Variants in CCDC69 observed in about 807,000 individuals in gnomAD.
CCDC69 encodes coiled-coil domain containing 69, also known as coiled-coil domain-containing protein 69.
Under a neutral mutation model 40.3 loss-of-function variants are expected in CCDC69, and 38 were observed. The observed-to-expected ratio is 0.94, with a 90% CI of 0.73 to 1.24. CCDC69 has a LOEUF of 1.24. CCDC69 is among the 50% of genes most tolerant of loss of function. CCDC69 has a pLI of 0.00. For synonymous variants in CCDC69, 141 were observed against 138.9 expected (o/e 1.02, Z -0.11); for missense variants, 389 against 357.9 (o/e 1.09, Z -0.70).
intron 1 of CCDC69, among the ~76,000 whole-genome samples, chr5:151,218,258 G>C (rs1229672112): frequency 2.0e-5 from 3 of 152,226 alleles, no homozygotes; most frequent in African/African-American, 7.2e-5. Context: ...ATCTTCTCTT[G>C]CTCCTTTTCT....
chr5:151,183,465 G>T lies in CCDC69; in HGVS notation c.863C>A (p.Pro288His), dbSNP rs766280570. 1.4e-5 allele frequency: 22 copies of T among 1,605,216 alleles called. 1 individual carries two copies. In the South Asian group the frequency reaches 2.1e-4, roughly 16 times the overall value. Reference protein sequence around the residue: ...SPAFPLAPVTPTEVSFLAT With the variant: ...SPAFPLAPVTHTEVSFLAT The stretch of plus-strand genomic sequence containing the variant: ...TGTGGCGAGGAAAGAGACCTCAGTG[G>T]GAGTGACAGGGGCCAGAGGGAAGGC... The change falls in exon 9 of 9, where the codon CCC becomes CAC. Residue 288 changes from proline (P) to histidine (H), a missense_variant. Physicochemically the swap from Pro to His is moderately conservative, Grantham distance 77. Coordinates refer to ENST00000355417, the MANE Select transcript of CCDC69 (RefSeq NM_015621.3).
chr5:151,199,217 C>T (rs910488441), intron 3 of CCDC69, 133 bp from the exon 4 acceptor site: 22 of 737,600 alleles, frequency 3.0e-5, no homozygotes, highest in Middle Eastern at 2.3e-4. Context: ...GGGAATGACA[C>T]GCCCAGAAAG....
chr5:151,223,952 T>G lies in CCDC69; in HGVS notation c.19A>C (p.Arg7=), dbSNP rs1301473472. The G allele has an allele frequency of 6.3e-7, 1 of 1,575,388 alleles. No homozygotes were observed. The highest frequency in any genetic ancestry group is 1.1e-5 in the South Asian group (1 of 87,960). ...TTCGGGGGTTTGCAGCTGCTCAGCC[T>G]GCTGTGTCTGCAGCCCATCCTCCTC... is the stretch of plus-strand genomic sequence containing the variant. MGCRHS[R]LSSCKPPKKK... The change falls in exon 1 of 9, where the codon AGG becomes CGG. Residue 7 remains arginine (R), a synonymous_variant. Coordinates refer to ENST00000355417, the MANE Select transcript of CCDC69 (RefSeq NM_015621.3).
intron 4 of CCDC69, 116 bp downstream of exon 4, chr5:151,198,881 C>T (rs1752738652): frequency 2.5e-6 from 2 of 784,724 alleles, no homozygotes; most frequent in Admixed American, 1.8e-5. Flanking sequence ...GAGTCAATTG[C>T]TTGTGGATCA....
At position 151,207,437 on chromosome 5, in the gene CCDC69, G is replaced by A. The variant is rs1049181082; in HGVS notation, c.49-1962C>T. Among the ~76,000 whole-genome samples, 6 of 151,742 alleles carry A rather than the reference G, an allele frequency of 4.0e-5. No homozygotes were observed. In the East Asian group the frequency reaches 5.8e-4, roughly 15 times the overall value. On this transcript the variant is annotated intron_variant, in intron 1 of 8. Transcript: ENST00000355417. Reference sequence around the variant, plus strand: ...CTCTCGAGTAGCTGGGACTACAGGCGCCCGCCACCACGCCCGGCTAATTTT... The same window carrying A: ...CTCTCGAGTAGCTGGGACTACAGGCACCCGCCACCACGCCCGGCTAATTTT...
At chr5:151,221,562 G>C (rs753747021) in intron 1 of CCDC69, among the ~76,000 whole-genome samples, 21 of 152,360 alleles carry the variant, frequency 1.4e-4, no homozygotes, top group Admixed American at 9.1e-4. Flanking sequence ...ATGAGCACCA[G>C]ATGGGGAGTG....
intron 1 of CCDC69, among the ~76,000 whole-genome samples, chr5:151,205,796 C>T (rs1226355663): frequency 4.6e-5 from 7 of 152,282 alleles, no homozygotes; most frequent in Admixed American, 6.5e-5. Context: ...TTTCTTCTCC[C>T]GGGATCTGGC....
chr5:151,218,490 A>G (rs1753084764), intron 1 of CCDC69, among the ~76,000 whole-genome samples: 1 of 152,114 alleles, frequency 6.6e-6, no homozygotes, highest in Non-Finnish European at 1.5e-5. Context: ...TTTCGTTGGG[A>G]GGGTACTTAC....
At chr5:151,190,824 G>T (rs1237395067) in intron 4 of CCDC69, among the ~76,000 whole-genome samples, 1 of 150,558 alleles carries the variant, frequency 6.6e-6, no homozygotes, top group Non-Finnish European at 1.5e-5. Flanking sequence ...AAAAAAGCAG[G>T]AAAGGGAAAA....
intron 1 of CCDC69, chr5:151,212,026 G>C (rs1345413870): frequency 7.0e-6 from 1 of 142,366 alleles, no homozygotes; most frequent in Non-Finnish European, 1.5e-5. Flanking sequence ...GTGGGGGGGG[G>C]AGTTGGGAGG....
At chr5:151,202,647 G>C (rs1752791448) in intron 2 of CCDC69, among the ~76,000 whole-genome samples, 1 of 152,200 alleles carries the variant, frequency 6.6e-6, no homozygotes, top group African/African-American at 2.4e-5. Flanking sequence ...GAGCATCTGA[G>C]TTTGTGGCCC....
chr5:151,198,731 A>G (rs1490642690), intron 4 of CCDC69: 2 of 375,568 alleles, frequency 5.3e-6, no homozygotes, highest in Non-Finnish European at 9.6e-6. Flanking sequence ...ATTTCCCTTA[A>G]TAAATATGGA....
chr5:151,187,030 C>G (rs1158951538), intron 5 of CCDC69, among the ~76,000 whole-genome samples: 1 of 152,168 alleles, frequency 6.6e-6, no homozygotes, highest in African/African-American at 2.4e-5. Context: ...ATCTCACTCC[C>G]TCTAGGAAAT....
chr5:151,212,963 G>C (rs762626741), intron 1 of CCDC69: 160 of 447,488 alleles, frequency 3.6e-4, no homozygotes, highest in Admixed American at 1.2e-3. Flanking sequence ...TGCAAGAAGA[G>C]GTTGGAGAGT....
intron 1 of CCDC69, among the ~76,000 whole-genome samples, chr5:151,216,625 A>C (rs1230715580): frequency 1.3e-5 from 2 of 151,702 alleles, no homozygotes; most frequent in African/African-American, 2.4e-5. Context: ...CATGTTGGTC[A>C]GGCTGGTCTC....
chr5:151,215,572 G>A (rs1753024999), intron 1 of CCDC69: 2 of 369,622 alleles, frequency 5.4e-6, no homozygotes, highest in African/African-American at 2.1e-5. Flanking sequence ...CTGGAGAGCA[G>A]GAAAGGAGGG....
At chr5:151,183,770 C>T (rs1196688211) in intron 8 of CCDC69, among the ~76,000 whole-genome samples, 156 bp from the exon 9 acceptor site, 1 of 152,210 alleles carries the variant, frequency 6.6e-6, no homozygotes, top group East Asian at 1.9e-4. Flanking sequence ...GCAATTCAAT[C>T]TGTTGACCAA....
rs112967951 is a variant in CCDC69, at chr5:151,200,358, C to T, written c.231+1224G>A. ...CTCGCCATGTTGCCCAGGCTGTTCT[C>T]GAACTCCTGACGTCAGGTGATCTGC... On this transcript the variant is annotated intron_variant, in intron 3 of 8. Coordinates refer to ENST00000355417, the MANE Select transcript of CCDC69 (RefSeq NM_015621.3). Among the ~76,000 whole-genome samples the T allele has an allele frequency of 2.4e-3, 370 of 152,246 alleles. 3 individuals carry two copies. Among genetic ancestry groups the T allele is most frequent in the African/African-American group, 8.2e-3 (340 of 41,540 alleles).
chr5:151,219,363 G>T (rs557272116), intron 1 of CCDC69, among the ~76,000 whole-genome samples: 1 of 151,948 alleles, frequency 6.6e-6, no homozygotes, highest in South Asian at 2.1e-4. Flanking sequence ...TCTCTCTAAG[G>T]GGCCTTCCTT....
Sources: gnomAD v4.1 joint callset for allele counts (sites outside exome capture counted in the v4.1 genomes callset) on GRCh38, gnomAD v4.1.1 for gene constraint, MANE v1.5 for transcripts, NCBI Gene and HGNC (gene_info 2026-07-23, HGNC 2026-07-21) for gene names.